The following RAF1 variants were observed in gnomAD, a reference collection of about 807,000 sequenced individuals.
The protein encoded by RAF1 is Raf-1 proto-oncogene, serine/threonine kinase.
RAF1 carries 27 observed loss-of-function variants against 81.1 expected under a neutral mutation model. That is an observed-to-expected ratio of 0.33 (90% confidence interval 0.25 to 0.46). The LOEUF (loss-of-function observed/expected upper bound fraction) is 0.46. Among genes scored for constraint, RAF1 ranks in the 20% least tolerant of loss-of-function variants. RAF1 has a pLI of 1.00. For synonymous variants in RAF1, 298 were observed against 294.0 expected (o/e 1.01, Z -0.14); for missense variants, 598 against 826.0 (o/e 0.72, Z 3.38).
At chr3:12,591,676 C>G in intron 12 of RAF1, 32 bp downstream of exon 11, 1 of 1,586,368 alleles carries the variant, frequency 6.3e-7, no homozygotes, top group Non-Finnish European at 8.7e-7. Flanking sequence ...TCCAGCACTC[C>G]AGAGGGACTG....
intron 11 of RAF1, among the ~76,000 whole-genome samples, chr3:12,597,043 C>G (rs1179475413): frequency 6.6e-6 from 1 of 151,978 alleles, no homozygotes. Context: ...GGACTACAGG[C>G]GCCCACCCCC....
chr3:12,605,716 CAG>C (rs1182712298), intron 6 of RAF1, among the ~76,000 whole-genome samples: 29 of 152,238 alleles, frequency 1.9e-4, no homozygotes, highest in African/African-American at 5.8e-4. Context: ...TATGCAAACT[CAG>C]AGACACATGA....
At chr3:12,585,858 A>G (rs773437720) in intron 14 of RAF1, 59 bp from the exon 14 acceptor site, 3 of 1,199,870 alleles carry the variant, frequency 2.5e-6, no homozygotes, top group Admixed American at 1.7e-5. Context: ...TTTGAAAAAT[A>G]TCCCAAAGTT....
At chr3:12,624,807 AC>A (rs2059650561) in intron 1 of RAF1, among the ~76,000 whole-genome samples, 1 of 148,556 alleles carries the variant, frequency 6.7e-6, no homozygotes, top group Non-Finnish European at 1.5e-5. Context: ...AATTGCTTGA[AC>A]CCAGGAGGTG....
intron 1 of RAF1, among the ~76,000 whole-genome samples, chr3:12,642,420 G>A (rs1476455920): frequency 6.9e-6 from 1 of 145,004 alleles, no homozygotes; most frequent in Non-Finnish European, 1.5e-5. Flanking sequence ...GAGGCAGGAG[G>A]AGAATGGAGT....
intron 1 of RAF1, among the ~76,000 whole-genome samples, chr3:12,625,343 A>G (rs1006460374): frequency 5.9e-5 from 9 of 152,202 alleles, no homozygotes; most frequent in African/African-American, 9.7e-5. Context: ...TCAGCCTCCC[A>G]AAGTGCTGGG....
intron 1 of RAF1, among the ~76,000 whole-genome samples, chr3:12,619,346 T>A (rs2059478710): frequency 6.6e-6 from 1 of 151,094 alleles, no homozygotes; most frequent in East Asian, 2.0e-4. Flanking sequence ...AGCGCATCAC[T>A]TGAGGCCAGG....
At chr3:12,660,685 A>G (rs2060847441) in intron 1 of RAF1, among the ~76,000 whole-genome samples, 1 of 152,166 alleles carries the variant, frequency 6.6e-6, no homozygotes, top group Non-Finnish European at 1.5e-5. Context: ...ATCACAAAAC[A>G]CCACATATCA....
intron 1 of RAF1, among the ~76,000 whole-genome samples, chr3:12,660,282 A>G (rs2060834579): frequency 6.7e-6 from 1 of 148,760 alleles, no homozygotes; most frequent in Non-Finnish European, 1.5e-5. Context: ...AAATACGTTC[A>G]AGCCTTCTAT....
intron 1 of RAF1, among the ~76,000 whole-genome samples, chr3:12,658,194 A>G (rs1375150531): frequency 6.6e-6 from 1 of 152,234 alleles, no homozygotes; most frequent in Non-Finnish European, 1.5e-5. Flanking sequence ...TACTGTATAC[A>G]CTATGTTTTT....
At chr3:12,596,786 A>C (rs917022630) in intron 11 of RAF1, among the ~76,000 whole-genome samples, 16 of 152,076 alleles carry the variant, frequency 1.1e-4, no homozygotes, top group Non-Finnish European at 1.9e-4. Flanking sequence ...TTCCTGGACC[A>C]CTCATTTTTC....
chr3:12,635,741 A>T (rs2060005458), intron 1 of RAF1, among the ~76,000 whole-genome samples: 1 of 151,668 alleles, frequency 6.6e-6, no homozygotes, highest in Non-Finnish European at 1.5e-5. Context: ...TGGGAGGCCA[A>T]GGTGGGCGGA....
At chr3:12,610,985 A>T (rs1418230023) in intron 3 of RAF1, among the ~76,000 whole-genome samples, 5 of 152,100 alleles carry the variant, frequency 3.3e-5, no homozygotes, top group Non-Finnish European at 5.9e-5. Flanking sequence ...AACAGCAGGG[A>T]TTAGTACACA....
rs1286819839 is a variant in RAF1 at position 12,618,618 on chromosome 3, T to C, written c.104A>G (p.Gln35Arg). Reference sequence around the variant, plus strand: ...TGATGCCCGGCGCTGATAGCCAAACTGCTGAACTATTGTAGGAGAGATGCA... The same window carrying C: ...TGATGCCCGGCGCTGATAGCCAAACCGCTGAACTATTGTAGGAGAGATGCA... Residue 35 changes from glutamine (Q) to arginine (R), a missense_variant, in exon 2 of 18, where the codon CAG becomes CGG. Transcript: ENST00000442415. 6.2e-7 allele frequency: 1 copy of C among 1,614,208 alleles called. No individual in the cohort carries two copies. Among genetic ancestry groups the C allele is most frequent in the African/African-American group, 1.3e-5 (1 of 75,050 alleles).
chr3:12,612,677 A>G (rs995940259), intron 2 of RAF1, among the ~76,000 whole-genome samples: 2 of 151,932 alleles, frequency 1.3e-5, no homozygotes, highest in South Asian at 2.1e-4. Context: ...AAGTGAAGAA[A>G]TCTGTATATG....
intron 13 of RAF1, 200 bp from the exon 13 acceptor site, chr3:12,587,837 C>T (rs910374860): frequency 4.1e-5 from 8 of 194,696 alleles, no homozygotes; most frequent in Admixed American, 1.4e-4. Flanking sequence ...ATGCTTACAC[C>T]TTTTTTTTTT....
At position 12,584,417 on chromosome 3, in the gene RAF1, A is replaced by G; in HGVS notation, c.*97T>C. On this transcript the variant is annotated 3_prime_UTR_variant, in exon 18 of 18. Transcript: ENST00000442415. Reference sequence around the variant, plus strand: ...AAGGTCCTTAGCAGCAGCTTCTCTGAAAACATGTGTTCTGCCTCTGGAGAA... The same window carrying G: ...AAGGTCCTTAGCAGCAGCTTCTCTGGAAACATGTGTTCTGCCTCTGGAGAA... 6.6e-7 allele frequency: 1 copy of G among 1,516,626 alleles called. No homozygotes were observed. Among genetic ancestry groups the G allele is most frequent in the South Asian group, 1.1e-5 (1 of 88,184 alleles). 93.9% of individuals were successfully genotyped at this position (1,516,626 alleles called of 1,614,324 possible). A position where few individuals can be genotyped will look rare whatever the true frequency, so the allele number is the denominator to read the frequency against.
At chr3:12,635,671 G>GAA (rs1481940067) in intron 1 of RAF1, among the ~76,000 whole-genome samples, 2 of 136,340 alleles carry the variant, frequency 1.5e-5, no homozygotes, top group Admixed American at 7.8e-5. Context: ...GAGAGAGAGA[G>GAA]ATTACTTTAT....
chr3:12,598,647 G>A (rs2058754182), intron 11 of RAF1, among the ~76,000 whole-genome samples: 1 of 143,020 alleles, frequency 7.0e-6, no homozygotes, highest in Non-Finnish European at 1.5e-5. Context: ...GACTGTTTGA[G>A]CCCAAGAGTT....
Sources: gnomAD v4.1 joint callset for allele counts (sites outside exome capture counted in the v4.1 genomes callset) on GRCh38, gnomAD v4.1.1 for gene constraint, MANE v1.5 for transcripts, NCBI Gene and HGNC (gene_info 2026-07-23, HGNC 2026-07-21) for gene names.